C8orf34: variants seen among roughly 807,000 people sequenced by gnomAD.
C8orf34 encodes chromosome 8 open reading frame 34.
C8orf34 carries 65 observed loss-of-function variants against 68.3 expected under a neutral mutation model. The observed-to-expected ratio is 0.95, with a 90% CI of 0.78 to 1.17. The LOEUF (loss-of-function observed/expected upper bound fraction) is 1.17. C8orf34 is among the 50% of genes most tolerant of loss of function. C8orf34 has a pLI of 0.00. For missense variants in C8orf34, 664 were observed against 655.4 expected (o/e 1.01, Z -0.14); for synonymous variants, 244 against 241.2 (o/e 1.01, Z -0.11).
At chr8:68,558,584 A>G (rs950027059) in intron 7 of C8orf34, among the ~76,000 whole-genome samples, 5 of 152,086 alleles carry the variant, frequency 3.3e-5, no homozygotes, top group African/African-American at 1.2e-4. Context: ...TGAAAGAGAG[A>G]AAGAGATAGG....
intron 3 of C8orf34, among the ~76,000 whole-genome samples, chr8:68,459,632 A>C (rs556168960): frequency 7.2e-5 from 11 of 152,218 alleles, no homozygotes; most frequent in Non-Finnish European, 1.2e-4. Context: ...TAGAACCACT[A>C]TTGAATCCAG....
intron 10 of C8orf34, among the ~76,000 whole-genome samples, chr8:68,724,172 A>G (rs549552593): frequency 2.0e-5 from 3 of 152,308 alleles, no homozygotes; most frequent in South Asian, 4.1e-4. Context: ...TATTTTAGAT[A>G]TAGAGTTTCT....
At chr8:68,771,443 G>A (rs1278874924) in intron 10 of C8orf34, among the ~76,000 whole-genome samples, 5 of 152,148 alleles carry the variant, frequency 3.3e-5, no homozygotes, top group Admixed American at 3.3e-4. Flanking sequence ...AAATTAGGAA[G>A]TGATATATGA....
At chr8:68,641,646 A>C (rs746584880) in intron 8 of C8orf34, among the ~76,000 whole-genome samples, 1 of 152,212 alleles carries the variant, frequency 6.6e-6, no homozygotes, top group Non-Finnish European at 1.5e-5. Flanking sequence ...GTATATTTAC[A>C]TTTTGACTGG....
chr8:68,522,061 C>G, intron 6 of C8orf34, 90 bp downstream of exon 6: 2 of 1,195,628 alleles, frequency 1.7e-6, no homozygotes, highest in Non-Finnish European at 2.3e-6. Context: ...TTATGAAATC[C>G]GTTTTAGTAA....
intron 3 of C8orf34, among the ~76,000 whole-genome samples, chr8:68,462,071 G>C (rs570115212): frequency 3.9e-5 from 6 of 151,978 alleles, no homozygotes; most frequent in African/African-American, 1.5e-4. Flanking sequence ...ACACACATAG[G>C]CTCAAAATAA....
chr8:68,354,050 A>G (rs894637564), intron 1 of C8orf34, among the ~76,000 whole-genome samples: 2 of 152,104 alleles, frequency 1.3e-5, no homozygotes, highest in Non-Finnish European at 2.9e-5. Flanking sequence ...TGGGGAATTA[A>G]CATCAAGTTG....
intron 5 of C8orf34, among the ~76,000 whole-genome samples, chr8:68,505,893 T>C (rs1813999265): frequency 6.6e-6 from 1 of 152,200 alleles, no homozygotes; most frequent in Non-Finnish European, 1.5e-5. Context: ...TATATATTTT[T>C]TTACTTTCAA....
chr8:68,555,145 G>T (rs544860767), intron 7 of C8orf34, among the ~76,000 whole-genome samples: 4 of 152,128 alleles, frequency 2.6e-5, no homozygotes, highest in Admixed American at 2.0e-4. Flanking sequence ...AGCCCAAAGG[G>T]ATAGTGTGGT....
At chr8:68,574,665 A>G (rs1181016435) in intron 7 of C8orf34, among the ~76,000 whole-genome samples, 1 of 152,066 alleles carries the variant, frequency 6.6e-6, no homozygotes, top group Non-Finnish European at 1.5e-5. Context: ...AACTTAATGC[A>G]TGTATTTGTC....
At chr8:68,623,941 C>T (rs1818460054) in intron 7 of C8orf34, among the ~76,000 whole-genome samples, 2 of 152,066 alleles carry the variant, frequency 1.3e-5, no homozygotes, top group Admixed American at 1.3e-4. Flanking sequence ...GTGATTGAAA[C>T]ACAGTAGACA....
At chr8:68,685,278 G>A (rs1331748045) in intron 8 of C8orf34, among the ~76,000 whole-genome samples, 1 of 151,972 alleles carries the variant, frequency 6.6e-6, no homozygotes, top group Non-Finnish European at 1.5e-5. Context: ...TAACAAGTAG[G>A]TTAAATTCAG....
In C8orf34 at chr8:68,331,083, C is replaced by T. The variant is rs1226425075; in HGVS notation, c.71C>T (p.Pro24Leu). 6.7e-6 allele frequency: 10 copies of T among 1,483,218 alleles called. No homozygotes were observed. The highest frequency in any genetic ancestry group is 8.9e-6 in the Non-Finnish European group (10 of 1,128,456). The allele number at this position is 1,483,218 out of a possible 1,614,324, so 91.9% of individuals were successfully genotyped here. Residue 24 changes from proline to leucine, a missense_variant, in exon 1 of 14, where the codon CCC (proline) becomes CTC (leucine). Pro to Leu is a moderately conservative substitution (Grantham distance 98). Coordinates refer to ENST00000518698, the MANE Select transcript of C8orf34 (RefSeq NM_052958.4). ...CGCCCAGGCTTCCGGCTCTCAGCGC[C>T]CCACGCGCGCGTGGCTCCCCGGGCT... ...ALRPGFRLSAPHARVAPRAAT... is the reference protein window; with the variant it reads ...ALRPGFRLSALHARVAPRAAT...
In C8orf34 at chr8:68,535,598, A is replaced by T. The variant is rs1452948797; in HGVS notation, c.1105+2449A>T. On this transcript the variant is annotated intron_variant, in intron 7 of 13. Coordinates refer to ENST00000518698, the MANE Select transcript of C8orf34 (RefSeq NM_052958.4). ...GTTTATTAAGGAAACTAGCATTGTTAATATATACTGATTAATATTTAATTA... is the reference window on the plus strand; with the variant it reads ...GTTTATTAAGGAAACTAGCATTGTTTATATATACTGATTAATATTTAATTA... 4.3e-6 allele frequency: 3 copies of T among 692,222 alleles called. No individual in the cohort carries two copies. In the Admixed American group the frequency reaches 1.9e-4, roughly 44 times the overall value. 42.9% of individuals were successfully genotyped at this position (692,222 alleles called of 1,614,324 possible).
chr8:68,771,528 C>T (rs897030900), intron 10 of C8orf34, among the ~76,000 whole-genome samples: 1 of 152,146 alleles, frequency 6.6e-6, no homozygotes, highest in South Asian at 2.1e-4. Context: ...CATTGCAATG[C>T]TTGTGGTTTC....
chr8:68,573,411 T>C (rs1816812510), intron 7 of C8orf34, among the ~76,000 whole-genome samples: 2 of 152,136 alleles, frequency 1.3e-5, no homozygotes, highest in Admixed American at 6.6e-5. Context: ...ATGAGAAATA[T>C]ACGGAACCAA....
intron 3 of C8orf34, among the ~76,000 whole-genome samples, chr8:68,468,251 A>G (rs576270810): frequency 6.6e-6 from 1 of 152,134 alleles, no homozygotes; most frequent in Non-Finnish European, 1.5e-5. Context: ...ACTGTAATGT[A>G]ATTTTAATGG....
chr8:68,502,974 GA>G (rs1813844415), intron 5 of C8orf34, among the ~76,000 whole-genome samples: 1 of 152,168 alleles, frequency 6.6e-6, no homozygotes, highest in Non-Finnish European at 1.5e-5. Context: ...CACATCACAA[GA>G]ATGTGAAGGG....
At chr8:68,445,254 T>C (rs1380782297) in intron 2 of C8orf34, among the ~76,000 whole-genome samples, 1 of 152,132 alleles carries the variant, frequency 6.6e-6, no homozygotes, top group East Asian at 1.9e-4. Context: ...GTTAGTTATT[T>C]ATAAGTGAGT....
Sources: allele counts gnomAD v4.1 joint callset (sites outside exome capture counted in the v4.1 genomes callset), GRCh38; gene constraint gnomAD v4.1.1; transcripts MANE v1.5; gene names NCBI Gene and HGNC (gene_info 2026-07-23, HGNC 2026-07-21).